DHX35: variants seen among roughly 807,000 people sequenced by gnomAD.
DHX35 encodes the protein probable ATP-dependent RNA helicase DHX35.
A neutral mutation model predicts 99.6 loss-of-function variants in DHX35; 84 were observed. The observed-to-expected ratio is 0.84, with a 90% CI of 0.71 to 1.01. The LOEUF (loss-of-function observed/expected upper bound fraction) is 1.01. Ranked by LOEUF, DHX35 falls within the 50% of genes least tolerant of loss-of-function variation. The probability of loss-of-function intolerance (pLI) is 0.00; values close to 1 mark genes in which losing one functional copy is unlikely to be tolerated. For missense variants in DHX35, 852 were observed against 888.5 expected, an observed-to-expected ratio of 0.96 and a Z score of 0.52; for synonymous variants, 331 against 316.2, an observed-to-expected ratio of 1.05 and a Z score of -0.50.
At chr20:39,028,547 A>G in intron 19 of DHX35, 48 bp downstream of exon 19, 2 of 1,582,856 alleles carry the variant, frequency 1.3e-6, no homozygotes, top group South Asian at 2.2e-5. Context: ...CAATCTTACA[A>G]ATGACCCAAA....
intron 7 of DHX35, among the ~76,000 whole-genome samples, chr20:38,993,870 T>C (rs943742236): frequency 3.3e-5 from 5 of 152,132 alleles, no homozygotes; most frequent in African/African-American, 9.7e-5. Context: ...AACTTTTAGG[T>C]TGGTGCCTGG....
chr20:39,034,005 C>G (rs558660179), intron 20 of DHX35, among the ~76,000 whole-genome samples: 1 of 152,182 alleles, frequency 6.6e-6, no homozygotes, highest in African/African-American at 2.4e-5. Flanking sequence ...GATTTAGAGT[C>G]TCATCTGAAA....
intron 7 of DHX35, among the ~76,000 whole-genome samples, chr20:38,993,944 G>T (rs530788575): frequency 7.9e-5 from 12 of 152,278 alleles, no homozygotes; most frequent in African/African-American, 2.9e-4. Flanking sequence ...TTCCCTCTGG[G>T]AGGATGTCTA....
chr20:39,007,539 C>T (rs1231804255), intron 12 of DHX35, among the ~76,000 whole-genome samples: 2 of 152,218 alleles, frequency 1.3e-5, no homozygotes, highest in African/African-American at 4.8e-5. Flanking sequence ...GATGCCTTCT[C>T]CTAGAAGCTG....
chr20:38,986,542 G>A (rs1201197539), intron 4 of DHX35, among the ~76,000 whole-genome samples: 3 of 152,070 alleles, frequency 2.0e-5, no homozygotes, highest in East Asian at 1.9e-4. Flanking sequence ...TGGGTACATC[G>A]TAGGTGTATA....
chr20:39,013,756 G>A (rs554273809), intron 13 of DHX35, among the ~76,000 whole-genome samples: 2 of 152,338 alleles, frequency 1.3e-5, no homozygotes, highest in African/African-American at 4.8e-5. Context: ...CTTCTTTGTA[G>A]AGAAAGATGT....
At chr20:38,963,679 C>T (rs1054417837) in intron 1 of DHX35, among the ~76,000 whole-genome samples, 6 of 152,262 alleles carry the variant, frequency 3.9e-5, no homozygotes, top group South Asian at 2.1e-4. Flanking sequence ...GGTTAAAGAA[C>T]GTGGAATTAC....
At position 38,994,802 on chromosome 20, in the gene DHX35, C is replaced by G. The variant is rs749668239; in HGVS notation, c.583-19C>G. 3.1e-6 allele frequency: 5 copies of G among 1,605,956 alleles called. No individual in the cohort carries two copies. The African/African-American group carries it at 4.0e-5, about 13-fold the overall frequency. Reference sequence around the variant, plus strand: ...AGTGTTGCACTATTATCATTATTTCCAAATGTCTTCTTTTTTAGATTCAGA... The same window carrying G: ...AGTGTTGCACTATTATCATTATTTCGAAATGTCTTCTTTTTTAGATTCAGA... On this transcript the variant is annotated intron_variant, in intron 7 of 21. Coordinates refer to ENST00000252011, the MANE Select transcript of DHX35 (RefSeq NM_021931.4).
At chr20:39,028,821 G>A (rs925625606) in intron 19 of DHX35, among the ~76,000 whole-genome samples, 5 of 152,214 alleles carry the variant, frequency 3.3e-5, no homozygotes, top group Admixed American at 1.3e-4. Flanking sequence ...ATGTTTCTCA[G>A]AGAAGTTATT....
Position 38,972,408 on chromosome 20 carries a change from A to G in DHX35, c.175-151A>G, listed in dbSNP as rs73908221. ...GTTGTATTCGCTCATACTGAGAGGA[A>G]CAGTACCTGAGGGTTAGAAATACAT... On this transcript the variant is annotated intron_variant, in intron 2 of 21. Transcript: ENST00000252011. 4,382 of 595,080 alleles carry G rather than the reference A, an allele frequency of 7.4e-3. 159 individuals are homozygous for G. In the African/African-American group the frequency reaches 0.074, roughly 10 times the overall value. 36.9% of individuals were successfully genotyped at this position (595,080 alleles called of 1,614,324 possible).
At chr20:39,006,390 T>C (rs1329645011) in intron 12 of DHX35, 34 bp downstream of exon 12, 5 of 1,602,950 alleles carry the variant, frequency 3.1e-6, no homozygotes, top group Non-Finnish European at 4.3e-6. Flanking sequence ...TTTTTGACTT[T>C]CTTATAGTCA....
intron 14 of DHX35, 116 bp downstream of exon 14, chr20:39,015,050 A>G (rs2086762233): frequency 3.5e-6 from 4 of 1,148,652 alleles, no homozygotes; most frequent in Admixed American, 1.9e-5. Flanking sequence ...GGTTCTCCCC[A>G]TATATATAAT....
At chr20:38,978,470 A>C in intron 3 of DHX35, 1 of 530,824 alleles carries the variant, frequency 1.9e-6, no homozygotes, top group African/African-American at 1.9e-5. Flanking sequence ...ATGGAGATAA[A>C]TGACCCCTGC....
Position 38,965,959 on chromosome 20 carries a change from A to G in DHX35, c.41-3122A>G, listed in dbSNP as rs535900642. On this transcript the variant is annotated intron_variant, in intron 1 of 21. Transcript: ENST00000252011. The stretch of plus-strand genomic sequence containing the variant: ...TTTTTGACTTGACCCACAGTAAGAT[A>G]TAGCACACATACACAACTGAAGAAA... Among the ~76,000 whole-genome samples the G allele has an allele frequency of 2.0e-5, 3 of 152,376 alleles. No individual in the cohort carries two copies. The Middle Eastern group carries it at 0.01, about 518-fold the overall frequency.
chr20:38,992,071 G>T (rs1177622553), intron 6 of DHX35, among the ~76,000 whole-genome samples: 1 of 152,128 alleles, frequency 6.6e-6, no homozygotes, highest in Non-Finnish European at 1.5e-5. Context: ...TTATAGGTTG[G>T]TTATGTTTTC....
At chr20:38,973,023 A>G (rs921209653) in intron 3 of DHX35, among the ~76,000 whole-genome samples, 4 of 152,236 alleles carry the variant, frequency 2.6e-5, no homozygotes, top group African/African-American at 9.6e-5. Flanking sequence ...AGTATTATGC[A>G]GTGCTATGGA....
intron 4 of DHX35, among the ~76,000 whole-genome samples, chr20:38,985,545 A>G (rs1405708861): frequency 1.3e-5 from 2 of 152,104 alleles, no homozygotes; most frequent in African/African-American, 4.8e-5. Context: ...ATGGTGTTCA[A>G]TTAAGAAGTT....
At position 38,977,313 on chromosome 20, in the gene DHX35, T is replaced by A. The variant is rs139126632; in HGVS notation, c.267+4662T>A. The stretch of plus-strand genomic sequence containing the variant: ...TATCTGGGGTGAGGTGGTATCTCAT[T>A]GTGGTTTTGATTTGCATTTTCCTGA... On this transcript the variant is annotated intron_variant, in intron 3 of 21. Transcript: ENST00000252011. 6.6e-5 allele frequency among the ~76,000 whole-genome samples: 10 copies of A among 152,322 alleles called. No homozygotes were observed. The East Asian group carries it at 1.7e-3, about 26-fold the overall frequency.
At chr20:39,019,370 T>A (rs976565973) in intron 15 of DHX35, among the ~76,000 whole-genome samples, 4 of 152,232 alleles carry the variant, frequency 2.6e-5, no homozygotes, top group African/African-American at 9.6e-5. Flanking sequence ...GGCGGAATAG[T>A]ATTTTATTGT....
Sources: allele counts gnomAD v4.1 joint callset (sites outside exome capture counted in the v4.1 genomes callset), GRCh38; gene constraint gnomAD v4.1.1; transcripts MANE v1.5; gene names NCBI Gene and HGNC (gene_info 2026-07-23, HGNC 2026-07-21).